The following NME7 variants were observed in gnomAD, a reference collection of about 807,000 sequenced individuals.
NME7 encodes NME/NM23 family member 7, also known as nucleoside diphosphate kinase 7.
Under a neutral mutation model 49.1 loss-of-function variants are expected in NME7, and 41 were observed. The ratio of observed to expected loss-of-function variants is 0.83; its 90% CI spans 0.65 to 1.08. The LOEUF (loss-of-function observed/expected upper bound fraction) is 1.08, where lower values mean the gene tolerates loss of function less well. NME7 is among the 50% of genes least tolerant of loss of function. The pLI is 0.00. For missense variants in NME7, 423 were observed against 463.4 expected (o/e 0.91, Z 0.80); for synonymous variants, 139 against 150.6 (o/e 0.92, Z 0.56).
At chr1:169,366,181 T>G (rs1319575993) in intron 1 of NME7, among the ~76,000 whole-genome samples, 1 of 152,142 alleles carries the variant, frequency 6.6e-6, no homozygotes, top group Non-Finnish European at 1.5e-5. Context: ...AGAATGACAT[T>G]CAAAAACCAG....
At chr1:169,337,067 G>T (rs1452208742) in intron 1 of NME7, among the ~76,000 whole-genome samples, 3 of 152,224 alleles carry the variant, frequency 2.0e-5, no homozygotes, top group Non-Finnish European at 2.9e-5. Context: ...TCCCAGTGCC[G>T]TGTGCCCGCA....
Position 169,169,444 on chromosome 1 carries a change from T to C in NME7, c.1098+3A>G, listed in dbSNP as rs1659513011. 6.2e-7 allele frequency: 1 copy of C among 1,608,364 alleles called. No homozygotes were observed. Among genetic ancestry groups the C allele is most frequent in the Non-Finnish European group, 8.5e-7 (1 of 1,176,216 alleles). ...AATAGGATGTTTACCTTCTTTATCT[T>C]ACCTCTAATAGGCCATCCTCTGGCA... On this transcript the variant is annotated splice_donor_region_variant and intron_variant, in intron 11 of 11. Coordinates refer to ENST00000367811, the MANE Select transcript of NME7 (RefSeq NM_013330.5).
In NME7 at chr1:169,132,791, A is replaced by G. The variant is rs1167276357; in HGVS notation, c.1125T>C (p.Asp375=). The change falls in exon 12 of 12, where the codon GAT becomes GAC. Residue 375 remains aspartate, a synonymous_variant. Transcript: ENST00000367811. The part of the protein sequence containing the change: ...LEVQYFFKIL[D]N ...TTCTTTACTTTCCACACCACTAATT[A>G]TCCAAGATCTTGAAGAAGTATTGAA... The G allele has an allele frequency of 5.6e-6, 9 of 1,613,300 alleles. No homozygotes were observed. Among genetic ancestry groups the G allele is most frequent in the Non-Finnish European group, 2.5e-6 (3 of 1,179,682 alleles).
chr1:169,142,022 T>C (rs1444474207), intron 11 of NME7, among the ~76,000 whole-genome samples: 1 of 152,186 alleles, frequency 6.6e-6, no homozygotes, highest in Non-Finnish European at 1.5e-5. Context: ...CTGAGAAAGG[T>C]AATTTTTCCT....
At chr1:169,170,047 C>T (rs1659535320) in intron 10 of NME7, among the ~76,000 whole-genome samples, 1 of 151,856 alleles carries the variant, frequency 6.6e-6, no homozygotes, top group South Asian at 2.1e-4. Flanking sequence ...AAGAGAGGAC[C>T]TAGGGGATAA....
chr1:169,235,371 A>G (rs1319562163), intron 8 of NME7, among the ~76,000 whole-genome samples, 172 bp from the exon 9 acceptor site: 2 of 152,118 alleles, frequency 1.3e-5, no homozygotes, highest in African/African-American at 2.4e-5. Context: ...CATCAAGAAT[A>G]ATAATGGATA....
chr1:169,321,292 C>G (rs1418476870), intron 3 of NME7, among the ~76,000 whole-genome samples: 2 of 152,032 alleles, frequency 1.3e-5, no homozygotes, highest in Non-Finnish European at 2.9e-5. Context: ...CATGGGAAGT[C>G]AAGGGTGCAG....
chr1:169,365,430 A>G (rs1653814824), intron 1 of NME7, among the ~76,000 whole-genome samples: 1 of 152,248 alleles, frequency 6.6e-6, no homozygotes, highest in South Asian at 2.1e-4. Context: ...TAAGTTTGGC[A>G]AGCAACAAGA....
intron 11 of NME7, among the ~76,000 whole-genome samples, chr1:169,150,572 T>C (rs1384422056): frequency 6.6e-6 from 1 of 152,166 alleles, no homozygotes; most frequent in Non-Finnish European, 1.5e-5. Flanking sequence ...ATTTTATTTG[T>C]TTTTAATAAA....
At chr1:169,150,393 A>G (rs1658879062) in intron 11 of NME7, among the ~76,000 whole-genome samples, 4 of 152,166 alleles carry the variant, frequency 2.6e-5, no homozygotes, top group Admixed American at 2.6e-4. Context: ...AGTTGCTAGT[A>G]TCTCTCTGGA....
intron 10 of NME7, among the ~76,000 whole-genome samples, chr1:169,177,313 C>A (rs1473395368): frequency 6.6e-6 from 1 of 152,104 alleles, no homozygotes. Flanking sequence ...ACCATATTCT[C>A]CTGCCTAGAA....
intron 6 of NME7, among the ~76,000 whole-genome samples, chr1:169,290,944 T>C (rs964179420): frequency 6.6e-6 from 1 of 151,992 alleles, no homozygotes; most frequent in Admixed American, 6.6e-5. Context: ...GAAATGCAAA[T>C]CAAAACCACA....
At chr1:169,329,396 GAAAAAAA>G (rs34676722) in intron 1 of NME7, among the ~76,000 whole-genome samples, 1 of 98,228 alleles carries the variant, frequency 1.0e-5, no homozygotes, top group South Asian at 3.6e-4. Flanking sequence ...TGTGTTTCCT[GAAAAAAA>G]AAAAAAAAAA....
At chr1:169,350,624 G>A (rs1001686553) in intron 1 of NME7, among the ~76,000 whole-genome samples, 2 of 151,542 alleles carry the variant, frequency 1.3e-5, no homozygotes, top group African/African-American at 2.4e-5. Flanking sequence ...CTAGCTTCAC[G>A]TTGTATATCT....
At chr1:169,214,777 T>G (rs1446213349) in intron 10 of NME7, among the ~76,000 whole-genome samples, 1 of 152,232 alleles carries the variant, frequency 6.6e-6, no homozygotes, top group East Asian at 1.9e-4. Context: ...CTGGCCACTT[T>G]GGCACCGGCA....
chr1:169,321,449 TC>T (rs1208625533), intron 3 of NME7, among the ~76,000 whole-genome samples: 1 of 152,240 alleles, frequency 6.6e-6, no homozygotes, highest in Non-Finnish European at 1.5e-5. Flanking sequence ...TAGTATGTGC[TC>T]CATAAATGAA....
chr1:169,254,150 C>T (rs1648780993), intron 7 of NME7, among the ~76,000 whole-genome samples: 1 of 150,028 alleles, frequency 6.7e-6, no homozygotes, highest in African/African-American at 2.4e-5. Flanking sequence ...ACCAGTTCCT[C>T]CTTGTACCTC....
intron 11 of NME7, among the ~76,000 whole-genome samples, chr1:169,166,948 G>A (rs145688598): frequency 0.015 from 2,209 of 152,290 alleles, 48 homozygotes; most frequent in African/African-American, 0.048. Flanking sequence ...CTACAGCCTG[G>A]GCGACAGAGT....
chr1:169,293,383 T>C (rs1254157086), intron 6 of NME7, among the ~76,000 whole-genome samples: 1 of 152,070 alleles, frequency 6.6e-6, no homozygotes, highest in African/African-American at 2.4e-5. Context: ...AGGAGAATCC[T>C]AGATAGAAAC....
Sources: allele counts gnomAD v4.1 joint callset (sites outside exome capture counted in the v4.1 genomes callset), GRCh38; gene constraint gnomAD v4.1.1; transcripts MANE v1.5; gene names NCBI Gene and HGNC (gene_info 2026-07-23, HGNC 2026-07-21).